The following KCNQ1 variants were observed in gnomAD, a reference collection of about 807,000 sequenced individuals.
The protein encoded by KCNQ1 is potassium voltage-gated channel subfamily KQT member 1.
Under a neutral mutation model 72.4 loss-of-function variants are expected in KCNQ1, and 49 were observed. That is an observed-to-expected ratio of 0.68 (90% CI 0.54 to 0.86). The LOEUF (loss-of-function observed/expected upper bound fraction) is 0.86. Ranked by LOEUF, KCNQ1 falls within the 40% of genes least tolerant of loss-of-function variation. The probability of loss-of-function intolerance (pLI) is 0.00; values close to 1 mark genes in which losing one functional copy is unlikely to be tolerated. For missense variants in KCNQ1, 790 were observed against 945.1 expected, an observed-to-expected ratio of 0.84 and a Z score of 2.15; for synonymous variants, 450 against 412.6, an observed-to-expected ratio of 1.09 and a Z score of -1.10.
chr11:2,700,836 C>T (rs1850796309), intron 11 of KCNQ1, among the ~76,000 whole-genome samples: 2 of 152,188 alleles, frequency 1.3e-5, no homozygotes, highest in South Asian at 2.1e-4. Flanking sequence ...CTTGTCCGTC[C>T]CCTCCGCGCC....
chr11:2,749,648 A>ATAC (rs1167171420), intron 11 of KCNQ1, among the ~76,000 whole-genome samples: 1 of 95,876 alleles, frequency 1.0e-5, no homozygotes, highest in Non-Finnish European at 2.0e-5. Context: ...ATACAAAAAA[A>ATAC]AAAAAAAAAA....
intron 11 of KCNQ1, among the ~76,000 whole-genome samples, chr11:2,760,288 C>CA (rs1846370529): frequency 6.6e-6 from 1 of 151,468 alleles, no homozygotes; most frequent in African/African-American, 2.4e-5. Flanking sequence ...GGCGGGCAGG[C>CA]GGGCGTGGAG....
At chr11:2,686,150 T>C in intron 11 of KCNQ1, 1 of 398,906 alleles carries the variant, frequency 2.5e-6, no homozygotes, top group Non-Finnish European at 4.4e-6. Flanking sequence ...TTCTGGGGTT[T>C]GCTTCGCCTT....
rs1162261321 is a variant in KCNQ1 at position 2,803,215 on chromosome 11, T to G, written c.1794+25178T>G. Among the ~76,000 whole-genome samples the G allele has an allele frequency of 6.6e-6, 1 of 152,072 alleles. No individual in the cohort carries two copies. Among genetic ancestry groups the G allele is most frequent in the Non-Finnish European group, 1.5e-5 (1 of 67,996 alleles). On this transcript the variant is annotated intron_variant, in intron 15 of 15. Coordinates refer to ENST00000155840, the MANE Select transcript of KCNQ1 (RefSeq NM_000218.3). The surrounding 1 kb of genome is among the most constrained non-coding windows in gnomAD (Gnocchi z 6.4). ...CTTTGCTGGAGGACCTGCCATGGCT[T>G]TGCCAGAAGACCCTGGGACTGTCTG...
At chr11:2,454,745 C>A (rs1219619520) in intron 1 of KCNQ1, among the ~76,000 whole-genome samples, 1 of 152,126 alleles carries the variant, frequency 6.6e-6, no homozygotes, top group Non-Finnish European at 1.5e-5. Context: ...AAACCCTCAA[C>A]AAAAATAGGC....
chr11:2,482,930 C>T lies in KCNQ1; in HGVS notation c.386+37446C>T, dbSNP rs1440525249. Among the ~76,000 whole-genome samples the T allele has an allele frequency of 1.3e-5, 2 of 152,070 alleles. No individual in the cohort carries two copies. The highest frequency in any genetic ancestry group is 2.9e-5 in the Non-Finnish European group (2 of 68,016). On this transcript the variant is annotated intron_variant, in intron 1 of 15. Coordinates refer to ENST00000155840, the MANE Select transcript of KCNQ1 (RefSeq NM_000218.3). The surrounding 1 kb of genome is among the most constrained non-coding windows in gnomAD (Gnocchi z 5.7). ...CAAGAGAATGGAGAGAGTCATGGAC[C>T]GGCATGGCGTGGTAATGCATGGTGC...
chr11:2,611,396 G>A lies in KCNQ1; in HGVS notation c.1393+22542G>A, dbSNP rs867634781. On this transcript the variant is annotated intron_variant, in intron 10 of 15. Coordinates refer to ENST00000155840, the MANE Select transcript of KCNQ1 (RefSeq NM_000218.3). The surrounding 1 kb of genome is among the most constrained non-coding windows in gnomAD (Gnocchi z 5.3). ...CACCATACCCAGCTAATTTTTAGTA[G>A]AGACAGAGTTTCACCATGTTGACCA... 3.5e-5 allele frequency: 14 copies of A among 397,290 alleles called. No individual in the cohort carries two copies. Among genetic ancestry groups the A allele is most frequent in the Non-Finnish European group, 4.9e-5 (11 of 225,888 alleles). The allele number at this position is 397,290 out of a possible 1,614,324, so 24.6% of individuals were successfully genotyped here.
intron 15 of KCNQ1, among the ~76,000 whole-genome samples, chr11:2,841,373 G>A (rs889159579): frequency 2.0e-4 from 30 of 152,200 alleles, no homozygotes; most frequent in Non-Finnish European, 7.4e-5. Context: ...CAGCCTGGCT[G>A]TTGCCTGGAA....
rs528455682 is a variant in KCNQ1 at position 2,664,246 on chromosome 11, A to C, written c.1514+2165A>C. On this transcript the variant is annotated intron_variant, in intron 11 of 15. Transcript: ENST00000155840. The surrounding 1 kb of genome is among the most constrained non-coding windows in gnomAD (Gnocchi z 5.1). Reference sequence around the variant, plus strand: ...TTGGGGTGAGGGATCTGAAGAGGGGACTGGGAGAGGGAAAAACAAGGAGGT... The same window carrying C: ...TTGGGGTGAGGGATCTGAAGAGGGGCCTGGGAGAGGGAAAAACAAGGAGGT... The C allele has an allele frequency of 2.5e-6, 1 of 399,002 alleles. No individual in the cohort carries two copies. The highest frequency in any genetic ancestry group is 4.4e-6 in the Non-Finnish European group (1 of 226,430). 24.7% of individuals were successfully genotyped at this position (399,002 alleles called of 1,614,324 possible).
chr11:2,839,758 G>A (rs1248183889), intron 15 of KCNQ1: 4 of 152,214 alleles, frequency 2.6e-5, no homozygotes, highest in South Asian at 2.1e-4. Context: ...GCAGACGAGC[G>A]CGACCTCTCC....
In KCNQ1 at chr11:2,463,479, T is replaced by C. The variant is rs1234327089; in HGVS notation, c.386+17995T>C. Among the ~76,000 whole-genome samples the C allele has an allele frequency of 6.6e-6, 1 of 152,088 alleles. No individual in the cohort carries two copies. ...CAGGTGGCGGGCGGGGCTGGGGGGC[T>C]CTGTAGCCTTCCTGGCTTCGGTCCC... On this transcript the variant is annotated intron_variant, in intron 1 of 15. Coordinates refer to ENST00000155840, the MANE Select transcript of KCNQ1 (RefSeq NM_000218.3). The surrounding 1 kb of genome is among the most constrained non-coding windows in gnomAD (Gnocchi z 7.0).
At chr11:2,546,001 G>A (rs1486258852) in intron 2 of KCNQ1, among the ~76,000 whole-genome samples, 1 of 151,618 alleles carries the variant, frequency 6.6e-6, no homozygotes, top group Non-Finnish European at 1.5e-5. Context: ...TTGGTTATTT[G>A]ATTAATTTTA....
At chr11:2,761,179 G>C (rs1846387457) in intron 11 of KCNQ1, among the ~76,000 whole-genome samples, 1 of 152,004 alleles carries the variant, frequency 6.6e-6, no homozygotes. Context: ...GTTTTCCCCT[G>C]GCATCAGGCG....
rs1011697764 is a variant in KCNQ1 at position 2,464,911 on chromosome 11, G to C, written c.386+19427G>C. On this transcript the variant is annotated intron_variant, in intron 1 of 15. Coordinates refer to ENST00000155840, the MANE Select transcript of KCNQ1 (RefSeq NM_000218.3). The surrounding 1 kb of genome is among the most constrained non-coding windows in gnomAD (Gnocchi z 5.0). ...AAAGTCCTCCTGCCCGAGGAAGTAA[G>C]ACAGCAATCTCTGGGGTCCTGGGCA... Among the ~76,000 whole-genome samples the C allele has an allele frequency of 2.0e-5, 3 of 152,164 alleles. No homozygotes were observed. Among genetic ancestry groups the C allele is most frequent in the African/African-American group, 7.2e-5 (3 of 41,430 alleles).
chr11:2,834,941 C>T (rs562925872), intron 15 of KCNQ1, among the ~76,000 whole-genome samples: 54 of 152,340 alleles, frequency 3.5e-4, no homozygotes, highest in African/African-American at 1.2e-3. Context: ...GGCCGCCCAG[C>T]CCCTATCTGG....
rs1209408627 is a variant in KCNQ1 at position 2,562,508 on chromosome 11, C to T, written c.478-8120C>T. On this transcript the variant is annotated intron_variant, in intron 2 of 15. Transcript: ENST00000155840. The surrounding 1 kb of genome is among the most constrained non-coding windows in gnomAD (Gnocchi z 7.5). ...GGGCTCTATGCTGTGGGGACCACTG[C>T]CCCCACAGGGAAGCGCCTGGCTCAG... Among the ~76,000 whole-genome samples the T allele has an allele frequency of 1.3e-5, 2 of 152,168 alleles. No homozygotes were observed.
chr11:2,737,484 C>T (rs1194852684), intron 11 of KCNQ1, among the ~76,000 whole-genome samples: 1 of 152,224 alleles, frequency 6.6e-6, no homozygotes, highest in Non-Finnish European at 1.5e-5. Flanking sequence ...AACTCTGACT[C>T]ACAGAGCAAT....
At chr11:2,778,119 G>A (rs1268535962) in intron 15 of KCNQ1, 82 bp downstream of exon 15, 19 of 1,365,438 alleles carry the variant, frequency 1.4e-5, no homozygotes, top group East Asian at 6.9e-5. Flanking sequence ...GCGTGTGAAC[G>A]TGAAGCTCCT....
chr11:2,603,059 C>G lies in KCNQ1; in HGVS notation c.1393+14205C>G, dbSNP rs1188612003. Among the ~76,000 whole-genome samples the G allele has an allele frequency of 1.3e-5, 2 of 152,150 alleles. No individual in the cohort carries two copies. The highest frequency in any genetic ancestry group is 2.9e-5 in the Non-Finnish European group (2 of 68,038). On this transcript the variant is annotated intron_variant, in intron 10 of 15. Coordinates refer to ENST00000155840, the MANE Select transcript of KCNQ1 (RefSeq NM_000218.3). The surrounding 1 kb of genome is among the most constrained non-coding windows in gnomAD (Gnocchi z 4.1). The stretch of plus-strand genomic sequence containing the variant: ...GATATAGTTTACATACCATACAATT[C>G]ACCCATTTAAAGAATATAATTGAAT...
Sources: allele counts gnomAD v4.1 joint callset (sites outside exome capture counted in the v4.1 genomes callset), GRCh38; gene constraint gnomAD v4.1.1; non-coding constraint Gnocchi (gnomAD v3.1); transcripts MANE v1.5; gene names NCBI Gene and HGNC (gene_info 2026-07-23, HGNC 2026-07-21).